Variants in MATN2 observed in about 807,000 individuals in gnomAD.
MATN2 encodes matrilin 2, also known as matrilin-2.
A neutral mutation model predicts 103.2 loss-of-function variants in MATN2; 69 were observed. The ratio of observed to expected loss-of-function variants is 0.67; its 90% CI spans 0.55 to 0.82. The LOEUF is 0.82. Ranked by LOEUF, MATN2 falls within the 40% of genes least tolerant of loss-of-function variation. The pLI is 0.00. For synonymous variants in MATN2, 429 were observed against 450.2 expected (o/e 0.95, Z 0.60); for missense variants, 1,023 against 1,211.5 (o/e 0.84, Z 2.31).
chr8:97,902,394 G>C (rs1203575422), intron 2 of MATN2, among the ~76,000 whole-genome samples: 1 of 151,350 alleles, frequency 6.6e-6, no homozygotes, highest in Admixed American at 6.6e-5. Flanking sequence ...CTACTTGGGA[G>C]GCTGAGGCAG....
Position 97,958,974 on chromosome 8 carries a change from G to A in MATN2, c.836-2434G>A, listed in dbSNP as rs1013489459. On this transcript the variant is annotated intron_variant, in intron 4 of 18. Coordinates refer to ENST00000254898, the MANE Select transcript of MATN2 (RefSeq NM_002380.5). ...CTGCTTCCCTCTTCTGTTTACTCACGCGTCCCAAGCCTGGAGTGCTGTTTC... is the reference window on the plus strand; with the variant it reads ...CTGCTTCCCTCTTCTGTTTACTCACACGTCCCAAGCCTGGAGTGCTGTTTC... Among the ~76,000 whole-genome samples the A allele has an allele frequency of 3.9e-5, 6 of 152,092 alleles. No homozygotes were observed. The South Asian group carries it at 1.0e-3, about 26-fold the overall frequency.
At chr8:97,925,803 T>C (rs1287880262) in intron 2 of MATN2, among the ~76,000 whole-genome samples, 1 of 152,182 alleles carries the variant, frequency 6.6e-6, no homozygotes, top group African/African-American at 2.4e-5. Flanking sequence ...CAGAGCCCCC[T>C]TTGGTCTCCA....
intron 2 of MATN2, among the ~76,000 whole-genome samples, chr8:97,913,173 C>T (rs1809508096): frequency 6.6e-6 from 1 of 152,024 alleles, no homozygotes; most frequent in Non-Finnish European, 1.5e-5. Context: ...TGGGGTTCCC[C>T]AATTCTTACC....
intron 3 of MATN2, among the ~76,000 whole-genome samples, chr8:97,937,945 T>C (rs1458826345): frequency 6.6e-6 from 1 of 152,150 alleles, no homozygotes; most frequent in Non-Finnish European, 1.5e-5. Flanking sequence ...CACAAGGTCA[T>C]AGGGAGTGGC....
intron 10 of MATN2, among the ~76,000 whole-genome samples, chr8:98,013,457 T>A (rs1342014962): frequency 6.6e-6 from 1 of 152,214 alleles, no homozygotes; most frequent in East Asian, 1.9e-4. Flanking sequence ...ATTTTCAGAA[T>A]AGCAAACTGA....
intron 5 of MATN2, among the ~76,000 whole-genome samples, chr8:97,974,309 T>TTA (rs1216341394): frequency 6.6e-6 from 1 of 152,092 alleles, no homozygotes; most frequent in Non-Finnish European, 1.5e-5. Flanking sequence ...TGGCTAATTT[T>TTA]TGTATTTTTA....
rs116332682 is a variant in MATN2 at position 97,879,275 on chromosome 8, C to T, written c.-26-8800C>T. Among the ~76,000 whole-genome samples the T allele has an allele frequency of 3.5e-3, 529 of 152,206 alleles. 5 individuals are homozygous for T. The highest frequency in any genetic ancestry group is 0.012 in the African/African-American group (494 of 41,536). ...ATGTAGAAATTTCAGGGTGAGGGACCGGCATGGATGGAGGCGCCCCGCTAT... is the reference window on the plus strand; with the variant it reads ...ATGTAGAAATTTCAGGGTGAGGGACTGGCATGGATGGAGGCGCCCCGCTAT... On this transcript the variant is annotated intron_variant, in intron 1 of 18. Transcript: ENST00000254898.
chr8:97,946,693 T>C (rs1460182713), intron 4 of MATN2, among the ~76,000 whole-genome samples: 5 of 152,254 alleles, frequency 3.3e-5, no homozygotes, highest in Admixed American at 3.3e-4. Context: ...CTGATGATAA[T>C]GCAGCATTTA....
At chr8:97,914,741 G>T (rs139379504) in intron 2 of MATN2, among the ~76,000 whole-genome samples, 116 of 152,220 alleles carry the variant, frequency 7.6e-4, no homozygotes, top group African/African-American at 2.5e-3. Context: ...ACCCAGCCTT[G>T]CCACATCACC....
At chr8:97,998,761 A>G (rs1203382092) in intron 7 of MATN2, among the ~76,000 whole-genome samples, 1 of 151,930 alleles carries the variant, frequency 6.6e-6, no homozygotes, top group Non-Finnish European at 1.5e-5. Flanking sequence ...AAAATTGTAT[A>G]CTTGTATACA....
chr8:98,003,077 GTGTTCAC>G (rs1288026136), intron 7 of MATN2, among the ~76,000 whole-genome samples: 2 of 151,976 alleles, frequency 1.3e-5, no homozygotes, highest in African/African-American at 4.8e-5. Context: ...CCAGGCATTT[GTGTTCAC>G]TGTCCCCTCA....
At chr8:97,917,555 G>A (rs796244582) in intron 2 of MATN2, among the ~76,000 whole-genome samples, 24 of 152,248 alleles carry the variant, frequency 1.6e-4, no homozygotes, top group African/African-American at 4.3e-4. Flanking sequence ...GCAGGGATAA[G>A]ACTGCACCCG....
In MATN2 at chr8:98,033,959, C is replaced by T. The variant is rs1044354553; in HGVS notation, c.2815+300C>T. ...GAAAAAAGAGACACTGGCCTAACTCCGTCTCTGCTAGGAAGGTGTGTAGGA... is the reference window on the plus strand; with the variant it reads ...GAAAAAAGAGACACTGGCCTAACTCTGTCTCTGCTAGGAAGGTGTGTAGGA... On this transcript the variant is annotated intron_variant, in intron 18 of 18. Transcript: ENST00000254898. 3.9e-5 allele frequency among the ~76,000 whole-genome samples: 6 copies of T among 152,020 alleles called. No individual in the cohort carries two copies. The South Asian group carries it at 6.2e-4, about 16-fold the overall frequency.
rs1814229949 is a variant in MATN2, at chr8:98,035,873, T to C, written c.*161T>C. ...TGCCACAGAACAAAGACAAGAAGTA[T>C]ACACTAACTTGTATAAATTTATCTA... On this transcript the variant is annotated 3_prime_UTR_variant, in exon 19 of 19. Transcript: ENST00000254898. 1.6e-5 allele frequency: 7 copies of C among 428,290 alleles called. No homozygotes were observed. The highest frequency in any genetic ancestry group is 8.7e-5 in the Admixed American group (2 of 23,104). 26.5% of individuals were successfully genotyped at this position (428,290 alleles called of 1,614,324 possible).
Position 97,931,044 on chromosome 8 carries a change from G to T in MATN2, c.234G>T (p.Glu78Asp). The stretch of plus-strand genomic sequence containing the variant: ...CCCATGACTATGCAAAGGTCAAGGA[G>T]TTCATCGTGGACATCTTGCAATTCT... ...VNTHDYAKVK[E>D]FIVDILQFLD... Residue 78 changes from glutamate to aspartate, a missense_variant, in exon 3 of 19, where the codon GAG becomes GAT. Coordinates refer to ENST00000254898, the MANE Select transcript of MATN2 (RefSeq NM_002380.5). This position sits in a 1 kb window ranked among gnomAD's most constrained non-coding sequence, Gnocchi z 4.1. 2 of 1,614,032 alleles carry T rather than the reference G, an allele frequency of 1.2e-6. No homozygotes were observed. The highest frequency in any genetic ancestry group is 1.7e-6 in the Non-Finnish European group (2 of 1,179,882).
intron 5 of MATN2, among the ~76,000 whole-genome samples, chr8:97,977,328 G>A (rs1402790730): frequency 1.3e-5 from 2 of 150,968 alleles, no homozygotes; most frequent in African/African-American, 2.4e-5. Context: ...GGGTCGTAGG[G>A]ACAGATCTCT....
Position 97,929,363 on chromosome 8 carries a change from C to T in MATN2, c.143-1590C>T, listed in dbSNP as rs904873148. Among the ~76,000 whole-genome samples, 13 of 152,232 alleles carry T rather than the reference C, an allele frequency of 8.5e-5. No homozygotes were observed. In the East Asian group the frequency reaches 1.9e-3, roughly 23 times the overall value. ...GGATTTAGGGCAAGCATTTGGGATCCCTTTTCTAATACCTTTCAAATCCTG... is the reference window on the plus strand; with the variant it reads ...GGATTTAGGGCAAGCATTTGGGATCTCTTTTCTAATACCTTTCAAATCCTG... On this transcript the variant is annotated intron_variant, in intron 2 of 18. Transcript: ENST00000254898.
rs373614593 is a variant in MATN2, at chr8:97,960,022, T to G, written c.836-1386T>G. On this transcript the variant is annotated intron_variant, in intron 4 of 18. Transcript: ENST00000254898. ...TGGAGTGCAATGGTGTGATCTCGGC[T>G]CACTGCAACCTCCACCTCCCGGGTT... 2.8e-4 allele frequency among the ~76,000 whole-genome samples: 42 copies of G among 152,010 alleles called. No individual in the cohort carries two copies. In the East Asian group the frequency reaches 4.7e-3, roughly 17 times the overall value.
intron 2 of MATN2, among the ~76,000 whole-genome samples, chr8:97,895,939 C>T (rs1818792830): frequency 6.6e-6 from 1 of 152,226 alleles, no homozygotes; most frequent in South Asian, 2.1e-4. Flanking sequence ...GGCTTAGGGG[C>T]AGATATGCGT....
Sources: gnomAD v4.1 joint callset for allele counts (sites outside exome capture counted in the v4.1 genomes callset) on GRCh38, gnomAD v4.1.1 for gene constraint, Gnocchi (gnomAD v3.1) non-coding constraint, MANE v1.5 for transcripts, NCBI Gene and HGNC (gene_info 2026-07-23, HGNC 2026-07-21) for gene names.